TUBGCP3: variants seen among roughly 807,000 people sequenced by gnomAD.
TUBGCP3 encodes the protein gamma-tubulin complex component 3.
A neutral mutation model predicts 123.1 loss-of-function variants in TUBGCP3; 50 were observed. The ratio of observed to expected loss-of-function variants is 0.41; its 90% CI spans 0.32 to 0.51. The LOEUF is 0.51. Among genes scored for constraint, TUBGCP3 ranks in the 20% least tolerant of loss-of-function variants. The probability of loss-of-function intolerance (pLI) is 0.36; values close to 1 mark genes in which losing one functional copy is unlikely to be tolerated. For missense variants in TUBGCP3, 882 were observed against 1,127.0 expected (o/e 0.78, Z 3.11); for synonymous variants, 405 against 413.9 (o/e 0.98, Z 0.26).
In TUBGCP3 at chr13:112,516,425, G is replaced by C. The variant is rs182022351; in HGVS notation, c.2086+15C>G. 1 of 1,585,468 alleles carries C rather than the reference G, an allele frequency of 6.3e-7. No individual in the cohort carries two copies. Among genetic ancestry groups the C allele is most frequent in the South Asian group, 1.1e-5 (1 of 87,990 alleles). On this transcript the variant is annotated intron_variant, in intron 17 of 21. Coordinates refer to ENST00000261965, the MANE Select transcript of TUBGCP3 (RefSeq NM_006322.6). ...TGGGAGTGTGTGCGGACCCGTGACC[G>C]TGCTGGGGGCTCACCTGGCATGTTT...
intron 11 of TUBGCP3, among the ~76,000 whole-genome samples, chr13:112,534,343 G>A (rs371515403): frequency 1.3e-5 from 2 of 152,084 alleles, no homozygotes; most frequent in African/African-American, 4.8e-5. Flanking sequence ...TCAGGAGATC[G>A]AGACCATCCT....
At position 112,508,987 on chromosome 13, in the gene TUBGCP3, C is replaced by G; in HGVS notation, c.2087-4273G>C. 6.6e-6 allele frequency among the ~76,000 whole-genome samples: 1 copy of G among 152,324 alleles called. No individual in the cohort carries two copies. Among genetic ancestry groups the G allele is most frequent in the Admixed American group, 6.5e-5 (1 of 15,300 alleles). Reference sequence around the variant, plus strand: ...TGGCTGCCCTGCTAATCACCACGGTCGCGCCCCAGGTTCATTATTCTCAAC... The same window carrying G: ...TGGCTGCCCTGCTAATCACCACGGTGGCGCCCCAGGTTCATTATTCTCAAC... On this transcript the variant is annotated intron_variant, in intron 17 of 21. Transcript: ENST00000261965. The surrounding 1 kb of genome is among the most constrained non-coding windows in gnomAD (Gnocchi z 4.2).
At chr13:112,563,856 C>T (rs1880731360) in intron 3 of TUBGCP3, among the ~76,000 whole-genome samples, 1 of 147,696 alleles carries the variant, frequency 6.8e-6, no homozygotes, top group Non-Finnish European at 1.5e-5. Context: ...GCCTGGGGCA[C>T]AGAGCAAGAC....
intron 13 of TUBGCP3, among the ~76,000 whole-genome samples, chr13:112,526,583 TCAC>T (rs536659105): frequency 7.7e-4 from 103 of 133,476 alleles, no homozygotes; most frequent in South Asian, 2.3e-3. Flanking sequence ...AATCACACCA[TCAC>T]CACATCATCA....
chr13:112,570,253 A>C (rs9324313), intron 1 of TUBGCP3, among the ~76,000 whole-genome samples: 1 of 151,986 alleles, frequency 6.6e-6, no homozygotes, highest in Non-Finnish European at 1.5e-5. Flanking sequence ...TTTGTCTATG[A>C]GAAAACTGAT....
intron 3 of TUBGCP3, among the ~76,000 whole-genome samples, chr13:112,562,519 C>A (rs374635920): frequency 1.4e-4 from 21 of 152,328 alleles, no homozygotes; most frequent in African/African-American, 4.8e-4. Context: ...TCTCCCAACT[C>A]CAGACTCACC....
At chr13:112,538,329 T>C (rs768611782) in intron 11 of TUBGCP3, among the ~76,000 whole-genome samples, 3 of 152,236 alleles carry the variant, frequency 2.0e-5, no homozygotes, top group African/African-American at 4.8e-5. Flanking sequence ...AAACTTCCGG[T>C]CCCAAGCATT....
At chr13:112,587,797 C>G (rs2088900348) in intron 1 of TUBGCP3, 108 bp downstream of exon 1, 1 of 1,026,654 alleles carries the variant, frequency 9.7e-7, no homozygotes, top group Non-Finnish European at 1.4e-6. Context: ...AGCCCTCTGC[C>G]CGGCCCTGCA....
the TUBGCP3 span, among the ~76,000 whole-genome samples, chr13:112,596,851 T>C: frequency 1.3e-5 from 2 of 152,220 alleles, no homozygotes; most frequent in African/African-American, 4.8e-5. Context: ...TTTTGGGTAA[T>C]GAAAGACTAG....
At chr13:112,585,204 T>C (rs1034626428) in intron 1 of TUBGCP3, among the ~76,000 whole-genome samples, 7 of 152,186 alleles carry the variant, frequency 4.6e-5, no homozygotes, top group African/African-American at 1.7e-4. Flanking sequence ...AAGAATAAGG[T>C]AATTAATCAA....
chr13:112,487,099 G>A (rs1181437255), intron 21 of TUBGCP3, among the ~76,000 whole-genome samples: 2 of 152,100 alleles, frequency 1.3e-5, no homozygotes, highest in African/African-American at 2.4e-5. Context: ...GTGTGTGTGT[G>A]TGTATCACTG....
intron 1 of TUBGCP3, among the ~76,000 whole-genome samples, chr13:112,570,127 C>A (rs374359818): frequency 6.6e-6 from 1 of 152,132 alleles, no homozygotes; most frequent in Non-Finnish European, 1.5e-5. Flanking sequence ...AGACAACCAC[C>A]GAGACCCGCC....
chr13:112,534,586 G>T (rs1203080397), intron 11 of TUBGCP3, among the ~76,000 whole-genome samples: 1 of 151,520 alleles, frequency 6.6e-6, no homozygotes, highest in Non-Finnish European at 1.5e-5. Context: ...CTCCTGCAAG[G>T]CCCCATGTGT....
chr13:112,553,966 T>C, intron 8 of TUBGCP3, 91 bp downstream of exon 8: 2 of 1,536,054 alleles, frequency 1.3e-6, no homozygotes, highest in East Asian at 4.5e-5. Flanking sequence ...GAAAGAGCCT[T>C]AGAAGGAGCT....
chr13:112,565,299 T>G lies in TUBGCP3; in HGVS notation c.185-121A>C, dbSNP rs895844432. 99 of 799,008 alleles carry G rather than the reference T, an allele frequency of 1.2e-4. 1 individual carries two copies. In the East Asian group the frequency reaches 2.5e-3, roughly 20 times the overall value. 49.5% of individuals were successfully genotyped at this position (799,008 alleles called of 1,614,324 possible). ...ATGAATTCAGAGTCAAAAGTCACTG[T>G]CAAATTAGATGATGAGCAACTTTTA... On this transcript the variant is annotated intron_variant, in intron 2 of 21. Coordinates refer to ENST00000261965, the MANE Select transcript of TUBGCP3 (RefSeq NM_006322.6).
At chr13:112,560,814 A>G (rs1246565726) in intron 3 of TUBGCP3, among the ~76,000 whole-genome samples, 2 of 152,232 alleles carry the variant, frequency 1.3e-5, no homozygotes, top group Non-Finnish European at 2.9e-5. Flanking sequence ...GGCCACGAGG[A>G]TAAGAAACAG....
At chr13:112,502,745 C>G (rs1233327250) in intron 19 of TUBGCP3, among the ~76,000 whole-genome samples, 1 of 151,930 alleles carries the variant, frequency 6.6e-6, no homozygotes, top group Non-Finnish European at 1.5e-5. Context: ...CGGGGTTTCA[C>G]AGTCTTACCC....
intron 5 of TUBGCP3, among the ~76,000 whole-genome samples, chr13:112,557,352 C>T (rs1880127334): frequency 6.6e-6 from 1 of 152,184 alleles, no homozygotes; most frequent in African/African-American, 2.4e-5. Context: ...GTATAGAACA[C>T]ACATTCTGTT....
chr13:112,548,042 CTATA>C, intron 9 of TUBGCP3, 62 bp downstream of exon 9: 1 of 1,255,948 alleles, frequency 8.0e-7, no homozygotes, highest in Non-Finnish European at 1.1e-6. Context: ...TTAAAACATT[CTATA>C]TAGCTTCAAT....
Sources: allele counts gnomAD v4.1 joint callset (sites outside exome capture counted in the v4.1 genomes callset), GRCh38; gene constraint gnomAD v4.1.1; non-coding constraint Gnocchi (gnomAD v3.1); transcripts MANE v1.5; gene names NCBI Gene and HGNC (gene_info 2026-07-23, HGNC 2026-07-21).